The following GLI3 variants were observed in gnomAD, a reference collection of about 807,000 sequenced individuals.
The protein encoded by GLI3 is transcription activator GLI3.
A neutral mutation model predicts 100.8 loss-of-function variants in GLI3; 20 were observed. The ratio of observed to expected loss-of-function variants is 0.20; its 90% CI spans 0.14 to 0.29. GLI3 has a LOEUF of 0.29. Ranked by LOEUF, GLI3 falls within the 10% of genes least tolerant of loss-of-function variation. The pLI, the probability that GLI3 is intolerant of heterozygous loss-of-function variation, is 1.00. For synonymous variants in GLI3, 938 were observed against 860.5 expected, an observed-to-expected ratio of 1.09 and a Z score of -1.58; for missense variants, 2,040 against 2,128.5, an observed-to-expected ratio of 0.96 and a Z score of 0.82.
At chr7:42,214,689 T>C (rs1722442747) in intron 2 of GLI3, among the ~76,000 whole-genome samples, 1 of 151,896 alleles carries the variant, frequency 6.6e-6, no homozygotes, top group South Asian at 2.1e-4. Context: ...GCAAAGCATT[T>C]GCTATTTTCC....
intron 10 of GLI3, among the ~76,000 whole-genome samples, chr7:41,991,918 C>T (rs1475097074): frequency 6.6e-6 from 1 of 152,096 alleles, no homozygotes; most frequent in Non-Finnish European, 1.5e-5. Context: ...CGTGTCTGTG[C>T]ATATGTGTGT....
intron 12 of GLI3, among the ~76,000 whole-genome samples, chr7:41,976,586 A>G (rs1010673789): frequency 1.3e-5 from 2 of 152,188 alleles, no homozygotes; most frequent in Non-Finnish European, 2.9e-5. Flanking sequence ...TGCACTGGTG[A>G]GATGAAATGA....
At chr7:42,021,203 ATTC>A (rs1788932062) in intron 10 of GLI3, among the ~76,000 whole-genome samples, 1 of 152,238 alleles carries the variant, frequency 6.6e-6, no homozygotes, top group Non-Finnish European at 1.5e-5. Context: ...GTAAATTATA[ATTC>A]TTAATTCATT....
chr7:42,208,978 G>T (rs1480445896), intron 2 of GLI3, among the ~76,000 whole-genome samples: 1 of 152,174 alleles, frequency 6.6e-6, no homozygotes. Context: ...AATTCAGCCA[G>T]AATTGGGCAA....
At chr7:42,161,991 C>T (rs1342197113) in intron 2 of GLI3, among the ~76,000 whole-genome samples, 2 of 152,140 alleles carry the variant, frequency 1.3e-5, no homozygotes, top group Non-Finnish European at 2.9e-5. Context: ...TCAAGGGCTC[C>T]GTGTGTCCCA....
chr7:42,157,366 G>C (rs1201317058), intron 2 of GLI3, among the ~76,000 whole-genome samples: 2 of 152,186 alleles, frequency 1.3e-5, no homozygotes, highest in African/African-American at 4.8e-5. Flanking sequence ...TAATGGCTCA[G>C]GTACTGCCTA....
chr7:42,238,184 G>T (rs910321219), upstream of GLI3, among the ~76,000 whole-genome samples: 6 of 151,620 alleles, frequency 4.0e-5, no homozygotes, highest in East Asian at 9.8e-4. Flanking sequence ...TGTCACCCGC[G>T]CCCTCTCTCT....
intron 3 of GLI3, among the ~76,000 whole-genome samples, chr7:42,095,757 C>T (rs1352229965): frequency 1.3e-5 from 2 of 152,266 alleles, no homozygotes; most frequent in South Asian, 2.1e-4. Flanking sequence ...GTGACCACCA[C>T]AGCCAGGCTC....
intron 2 of GLI3, among the ~76,000 whole-genome samples, chr7:42,185,483 C>A (rs553173363): frequency 1.3e-5 from 2 of 152,278 alleles, no homozygotes; most frequent in South Asian, 4.1e-4. Flanking sequence ...CCACATTTTT[C>A]CTATAATTAT....
chr7:42,206,616 G>A (rs1331403679), intron 2 of GLI3, among the ~76,000 whole-genome samples: 3 of 152,078 alleles, frequency 2.0e-5, no homozygotes, highest in African/African-American at 4.8e-5. Context: ...AGTTCAGCTA[G>A]AAGAAAAAAT....
At chr7:42,057,094 G>A (rs1241498474) in intron 4 of GLI3, among the ~76,000 whole-genome samples, 1 of 151,876 alleles carries the variant, frequency 6.6e-6, no homozygotes, top group African/African-American at 2.4e-5. Context: ...CTCTATCCAA[G>A]CTAACCAATG....
At chr7:42,189,095 G>T (rs36113796) in intron 2 of GLI3, among the ~76,000 whole-genome samples, 18,544 of 152,058 alleles carry the variant, frequency 0.12, 1,170 homozygotes, top group African/African-American at 0.15. Context: ...CTGTGTGGGG[G>T]CAGGAAGGCA....
chr7:42,128,368 TA>T (rs1786188084), intron 3 of GLI3, among the ~76,000 whole-genome samples: 1 of 152,144 alleles, frequency 6.6e-6, no homozygotes, highest in South Asian at 2.1e-4. Flanking sequence ...TAAAAAAAAA[TA>T]AAAAGTGACA....
intron 3 of GLI3, among the ~76,000 whole-genome samples, chr7:42,097,625 T>G (rs1051586787): frequency 1.3e-5 from 2 of 152,252 alleles, no homozygotes; most frequent in African/African-American, 2.4e-5. Flanking sequence ...CAGCATTTAC[T>G]GATCTAAAAT....
intron 2 of GLI3, among the ~76,000 whole-genome samples, chr7:42,172,968 C>T (rs1365180019): frequency 3.3e-5 from 5 of 152,230 alleles, no homozygotes; most frequent in Non-Finnish European, 5.9e-5. Context: ...GAAAGGACCA[C>T]GGACAAGTGA....
chr7:42,082,879 G>A (rs1177997497), intron 3 of GLI3, among the ~76,000 whole-genome samples: 1 of 152,076 alleles, frequency 6.6e-6, no homozygotes, highest in Non-Finnish European at 1.5e-5. Flanking sequence ...GCCGGTTTTT[G>A]TAAATAAAGT....
chr7:42,128,819 G>T (rs1786199030), intron 3 of GLI3, among the ~76,000 whole-genome samples: 1 of 152,040 alleles, frequency 6.6e-6, no homozygotes, highest in Non-Finnish European at 1.5e-5. Context: ...CTTAATTCCT[G>T]TTATCACCCT....
chr7:42,202,708 C>T (rs1788071691), intron 2 of GLI3, among the ~76,000 whole-genome samples: 1 of 152,196 alleles, frequency 6.6e-6, no homozygotes, highest in Admixed American at 6.5e-5. Context: ...TGCCAGTGTC[C>T]TCCAGGCCCC....
chr7:42,131,112 T>C (rs190599957), intron 3 of GLI3, among the ~76,000 whole-genome samples: 8 of 152,308 alleles, frequency 5.3e-5, no homozygotes, highest in South Asian at 2.1e-4. Context: ...GGAAGTTACT[T>C]GATGTATTCC....
Sources: allele counts gnomAD v4.1 joint callset (sites outside exome capture counted in the v4.1 genomes callset), GRCh38; gene constraint gnomAD v4.1.1; transcripts MANE v1.5; gene names NCBI Gene and HGNC (gene_info 2026-07-23, HGNC 2026-07-21).